USP15: variants seen among roughly 807,000 people sequenced by gnomAD.
The protein encoded by USP15 is ubiquitin specific peptidase 15.
In USP15, 18 loss-of-function variants were observed where a neutral mutation model predicts 127.1. The observed-to-expected ratio is 0.14, with a 90% CI of 0.10 to 0.21. The LOEUF (loss-of-function observed/expected upper bound fraction) is 0.21. USP15 is among the 10% of genes least tolerant of loss of function. The probability of loss-of-function intolerance (pLI) is 1.00; values close to 1 mark genes in which losing one functional copy is unlikely to be tolerated. For synonymous variants in USP15, 364 were observed against 393.7 expected (o/e 0.92, Z 0.89); for missense variants, 805 against 1,159.9 (o/e 0.69, Z 4.44).
rs1238479450 is a variant in USP15, at chr12:62,405,053, A to G, written c.*678A>G. On this transcript the variant is annotated 3_prime_UTR_variant, in exon 22 of 22. Coordinates refer to ENST00000280377, the MANE Select transcript of USP15 (RefSeq NM_001252078.2). ...GGTTCTAGATTTCATACTCCATCTA[A>G]AGTCATTTTTCAGTTACATGTAAGT... 1 of 152,032 alleles carries G rather than the reference A, an allele frequency of 6.6e-6. No individual in the cohort carries two copies. The highest frequency in any genetic ancestry group is 3.2e-3 in the Middle Eastern group (1 of 316). The allele number at this position is 152,032 out of a possible 1,614,324, so 9.4% of individuals were successfully genotyped here.
intron 6 of USP15, among the ~76,000 whole-genome samples, chr12:62,347,026 T>C (rs1214857150): frequency 7.8e-6 from 1 of 128,400 alleles, no homozygotes; most frequent in East Asian, 2.0e-4. Context: ...CATACTTGTA[T>C]TGTATTATAG....
chr12:62,377,457 C>T (rs1264282407), intron 8 of USP15, among the ~76,000 whole-genome samples: 2 of 152,134 alleles, frequency 1.3e-5, no homozygotes, highest in Non-Finnish European at 2.9e-5. Context: ...CGGTGGCTCA[C>T]GCCTGTAATC....
At chr12:62,304,816 G>C (rs1414650088) in intron 3 of USP15, 1 of 310,994 alleles carries the variant, frequency 3.2e-6, no homozygotes, top group Non-Finnish European at 6.5e-6. Flanking sequence ...TTAGAATAGT[G>C]GGCTTATTAT....
At chr12:62,268,727 T>C (rs540961957) in intron 1 of USP15, among the ~76,000 whole-genome samples, 1 of 152,256 alleles carries the variant, frequency 6.6e-6, no homozygotes, top group African/African-American at 2.4e-5. Flanking sequence ...TTTTAAAATA[T>C]ATATGTATAT....
rs967878766 is a variant in USP15 at position 62,355,373 on chromosome 12, T to C, written c.813T>C (p.Tyr271=). 2 of 1,611,148 alleles carry C rather than the reference T, an allele frequency of 1.2e-6. No individual in the cohort carries two copies. Among genetic ancestry groups the C allele is most frequent in the African/African-American group, 1.3e-5 (1 of 74,926 alleles). The change falls in exon 8 of 22, where the codon TAT becomes TAC. Residue 271 remains tyrosine, a synonymous_variant. Transcript: ENST00000280377. ...SNYCLPSYTA[Y]KNYDYSEPGR... ...ACTGTCTTCCATCATATACCGCTTATAAGAACTATGATTATTCGGAACCTG... is the reference window on the plus strand; with the variant it reads ...ACTGTCTTCCATCATATACCGCTTACAAGAACTATGATTATTCGGAACCTG...
intron 11 of USP15, among the ~76,000 whole-genome samples, chr12:62,386,831 G>T (rs973660730): frequency 3.3e-5 from 5 of 152,134 alleles, no homozygotes; most frequent in Non-Finnish European, 5.9e-5. Flanking sequence ...GTTAGAAAAG[G>T]CTTAGTACTA....
chr12:62,361,528 A>G (rs1254328615), intron 8 of USP15, among the ~76,000 whole-genome samples: 1 of 152,058 alleles, frequency 6.6e-6, no homozygotes, highest in East Asian at 1.9e-4. Flanking sequence ...ATTTAATAAT[A>G]TACTTATTAG....
chr12:62,340,527 T>A (rs866603260), intron 6 of USP15, among the ~76,000 whole-genome samples: 4 of 152,202 alleles, frequency 2.6e-5, no homozygotes, highest in Admixed American at 6.5e-5. Flanking sequence ...GGGCATTTAG[T>A]GCTATAAATT....
intron 8 of USP15, among the ~76,000 whole-genome samples, chr12:62,359,661 G>A (rs1435810228): frequency 6.6e-6 from 1 of 152,074 alleles, no homozygotes; most frequent in Non-Finnish European, 1.5e-5. Flanking sequence ...AAATAATTGA[G>A]TGTACTTTTA....
At position 62,386,755 on chromosome 12, in the gene USP15, T is replaced by G. The variant is rs150606992; in HGVS notation, c.1473+2453T>G. ...AACTAGGGAAGCCATTAAAGACTAT[T>G]AAGTATAGATATTATATGGCCACAA... On this transcript the variant is annotated intron_variant, in intron 11 of 21. Transcript: ENST00000280377. 5.7e-3 allele frequency among the ~76,000 whole-genome samples: 871 copies of G among 152,190 alleles called. 7 individuals are homozygous for G. The highest frequency in any genetic ancestry group is 8.0e-3 in the Non-Finnish European group (542 of 67,962).
At chr12:62,327,914 A>G (rs2065177317) in intron 6 of USP15, 2 of 226,876 alleles carry the variant, frequency 8.8e-6, no homozygotes, top group South Asian at 1.0e-4. Flanking sequence ...AAGAAATACT[A>G]TGCAGTAATA....
chr12:62,377,582 T>C (rs1391989667), intron 8 of USP15, among the ~76,000 whole-genome samples: 1 of 151,550 alleles, frequency 6.6e-6, no homozygotes, highest in Non-Finnish European at 1.5e-5. Flanking sequence ...TAGCCAGGCA[T>C]GGTGGCACGT....
In USP15 at chr12:62,391,373, A is replaced by G. The variant is rs1168891194; in HGVS notation, c.2177A>G (p.Tyr726Cys). Residue 726 changes from tyrosine (Y) to cysteine (C), a missense_variant, in exon 16 of 22, where the codon TAC becomes TGC. Physicochemically the swap from Tyr to Cys is radical, Grantham distance 194. Around this residue, in one of 11 missense-constraint regions of USP15, gnomAD observed 225 missense variants for 239.5 expected, o/e 0.94. Coordinates refer to ENST00000280377, the MANE Select transcript of USP15 (RefSeq NM_001252078.2). The stretch of plus-strand genomic sequence containing the variant: ...AACTTAGGCAATACTGATATCAACT[A>G]CATCAAAGATGATACCAGGCATATA... ...FNNLGNTDIN[Y>C]IKDDTRHIRF... 6.2e-7 allele frequency: 1 copy of G among 1,612,934 alleles called. No homozygotes were observed. Among genetic ancestry groups the G allele is most frequent in the Non-Finnish European group, 8.5e-7 (1 of 1,179,460 alleles).
In USP15 at chr12:62,389,459, A is replaced by G. The variant is rs182108950; in HGVS notation, c.1502A>G (p.Asn501Ser). The G allele has an allele frequency of 4.3e-6, 7 of 1,612,470 alleles. No individual in the cohort carries two copies. The Admixed American group carries it at 5.0e-5, about 12-fold the overall frequency. The change falls in exon 12 of 22, where the codon AAC (asparagine) becomes AGC (serine). Residue 501 changes from asparagine to serine, a missense_variant. By Grantham distance (46) the Asn-to-Ser change is conservative. Around this residue, in one of 11 missense-constraint regions of USP15, gnomAD observed 82 missense variants for 104.4 expected, o/e 0.79. Transcript: ENST00000280377. ...QYKVVVPKIG[N>S]ILDLCTALSA... is the part of the protein sequence containing the mutation. ...AAAGTGGTTGTCCCCAAAATTGGAA[A>G]CATATTAGATCTTTGTACAGCATTG...
At position 62,295,910 on chromosome 12, in the gene USP15, T is replaced by C. The variant is rs116958908; in HGVS notation, c.217+1604T>C. Among the ~76,000 whole-genome samples, 7 of 152,358 alleles carry C rather than the reference T, an allele frequency of 4.6e-5. No homozygotes were observed. The East Asian group carries it at 1.3e-3, about 29-fold the overall frequency. Reference sequence around the variant, plus strand: ...GAAACCTGTAAATAGGATGAAGATATCACTCTTGTGATTATGTTATGTGGC... The same window carrying C: ...GAAACCTGTAAATAGGATGAAGATACCACTCTTGTGATTATGTTATGTGGC... On this transcript the variant is annotated intron_variant, in intron 2 of 21. Coordinates refer to ENST00000280377, the MANE Select transcript of USP15 (RefSeq NM_001252078.2).
intron 3 of USP15, among the ~76,000 whole-genome samples, chr12:62,314,497 T>G (rs1460718408): frequency 6.6e-6 from 1 of 151,934 alleles, no homozygotes; most frequent in Non-Finnish European, 1.5e-5. Context: ...ATTAATTATT[T>G]ATGGTGTACT....
intron 8 of USP15, among the ~76,000 whole-genome samples, chr12:62,365,530 T>G (rs1461070902): frequency 1.3e-5 from 2 of 152,196 alleles, no homozygotes; most frequent in Non-Finnish European, 1.5e-5. Context: ...GTAGTTTCTT[T>G]TCCTGTGCAG....
At position 62,389,813 on chromosome 12, in the gene USP15, A is replaced by G; in HGVS notation, c.1669A>G (p.Asn557Asp). ...TCCTTGTAGGTTTGAAATTAACATC[A>G]ATAGGACAGAAGATACAGAGCACGT... ...DDIYVFEINI[N>D]RTEDTEHVII... Residue 557 changes from asparagine to aspartate, a missense_variant, in exon 14 of 22, where the codon AAT (asparagine) becomes GAT (aspartate). Physicochemically the swap from Asn to Asp is conservative, Grantham distance 23. Transcript: ENST00000280377. 1 of 1,612,484 alleles carries G rather than the reference A, an allele frequency of 6.2e-7. No homozygotes were observed. The highest frequency in any genetic ancestry group is 1.1e-5 in the South Asian group (1 of 90,780).
At chr12:62,336,600 A>T in intron 6 of USP15, 2 of 612,938 alleles carry the variant, frequency 3.3e-6, no homozygotes, top group Non-Finnish European at 2.0e-6. Flanking sequence ...AAGGTATTTT[A>T]AAATAACAGT....
Sources: gnomAD v4.1 joint callset for allele counts (sites outside exome capture counted in the v4.1 genomes callset) on GRCh38, gnomAD v4.1.1 for gene constraint, gnomAD v4.1.1 regional missense constraint, MANE v1.5 for transcripts, NCBI Gene and HGNC (gene_info 2026-07-23, HGNC 2026-07-21) for gene names.